DPP10: variants seen among roughly 807,000 people sequenced by gnomAD.
DPP10 encodes inactive dipeptidyl peptidase 10.
A neutral mutation model predicts 120.9 loss-of-function variants in DPP10; 33 were observed. The ratio of observed to expected loss-of-function variants is 0.27; its 90% confidence interval spans 0.21 to 0.37. The LOEUF is 0.37. Among genes scored for constraint, DPP10 ranks in the 10% least tolerant of loss-of-function variants. The pLI is 1.00. For missense variants in DPP10, 816 were observed against 942.8 expected, an observed-to-expected ratio of 0.87 and a Z score of 1.76; for synonymous variants, 337 against 326.1, an observed-to-expected ratio of 1.03 and a Z score of -0.36.
At chr2:115,397,047 G>A (rs149109096) in intron 3 of DPP10, among the ~76,000 whole-genome samples, 1 of 152,188 alleles carries the variant, frequency 6.6e-6, no homozygotes, top group Non-Finnish European at 1.5e-5. Context: ...TGCAAAACAT[G>A]ATGTGAACAT....
intron 1 of DPP10, among the ~76,000 whole-genome samples, chr2:114,587,150 A>AT (rs1691057519): frequency 6.6e-6 from 1 of 151,920 alleles, no homozygotes; most frequent in Admixed American, 6.5e-5. Flanking sequence ...ACAAAAAAAA[A>AT]ATTAGCCGGG....
intron 1 of DPP10, among the ~76,000 whole-genome samples, chr2:114,702,150 A>G (rs570252360): frequency 2.0e-5 from 3 of 152,238 alleles, no homozygotes; most frequent in Non-Finnish European, 4.4e-5. Context: ...AGGTGGGGCC[A>G]TGTATTGTAT....
chr2:114,836,232 ACCCATGTGT>A (rs1338743624), intron 1 of DPP10, among the ~76,000 whole-genome samples: 1 of 152,014 alleles, frequency 6.6e-6, no homozygotes, highest in Non-Finnish European at 1.5e-5. Context: ...TCCATTTGTG[ACCCATGTGT>A]ATTCTGTTTT....
At chr2:114,818,350 C>A (rs961300137) in intron 1 of DPP10, among the ~76,000 whole-genome samples, 4 of 152,120 alleles carry the variant, frequency 2.6e-5, no homozygotes. Flanking sequence ...CTTCAAGTAA[C>A]TATATGTTGA....
chr2:114,566,850 T>C (rs918107543), intron 1 of DPP10, among the ~76,000 whole-genome samples: 1 of 152,178 alleles, frequency 6.6e-6, no homozygotes, highest in African/African-American at 2.4e-5. Context: ...TGTACAAAAT[T>C]TAGAAATTTA....
chr2:114,775,033 A>T (rs1050137821), intron 1 of DPP10, among the ~76,000 whole-genome samples: 11 of 152,082 alleles, frequency 7.2e-5, no homozygotes, highest in Non-Finnish European at 1.3e-4. Flanking sequence ...CCAACCAGTA[A>T]GTGGCAGAGA....
chr2:114,646,800 A>T (rs1342638202), intron 1 of DPP10, among the ~76,000 whole-genome samples: 1 of 152,112 alleles, frequency 6.6e-6, no homozygotes, highest in East Asian at 1.9e-4. Flanking sequence ...CCTGAAGCTG[A>T]TTTCTTGGCC....
chr2:115,051,299 T>TA (rs1410927049), intron 1 of DPP10, among the ~76,000 whole-genome samples: 1 of 150,048 alleles, frequency 6.7e-6, no homozygotes, highest in Non-Finnish European at 1.5e-5. Flanking sequence ...AAATAGAGAG[T>TA]ATCAATAAAG....
At chr2:114,454,489 T>C (rs1240517392) in intron 1 of DPP10, among the ~76,000 whole-genome samples, 6 of 152,222 alleles carry the variant, frequency 3.9e-5, no homozygotes, top group Non-Finnish European at 5.9e-5. Flanking sequence ...TCATGCTTTC[T>C]GCCTCCTATT....
intron 1 of DPP10, among the ~76,000 whole-genome samples, chr2:114,848,175 A>G (rs1200673238): frequency 6.6e-6 from 1 of 152,184 alleles, no homozygotes; most frequent in Non-Finnish European, 1.5e-5. Flanking sequence ...CAAGTAGAAG[A>G]TGACAAAGAA....
chr2:115,411,420 T>C (rs2068948658), intron 3 of DPP10, among the ~76,000 whole-genome samples: 1 of 151,676 alleles, frequency 6.6e-6, no homozygotes, highest in Admixed American at 6.6e-5. Context: ...GAACAACTGG[T>C]TTATTGGGAA....
At chr2:115,368,494 T>C (rs1574581526) in intron 3 of DPP10, among the ~76,000 whole-genome samples, 1 of 152,104 alleles carries the variant, frequency 6.6e-6, no homozygotes, top group Admixed American at 6.6e-5. Context: ...CTTTTCCCAA[T>C]GTATTATTTA....
intron 5 of DPP10, among the ~76,000 whole-genome samples, chr2:115,556,080 G>A (rs1161655838): frequency 6.6e-6 from 1 of 152,062 alleles, no homozygotes; most frequent in African/African-American, 2.4e-5. Flanking sequence ...CAGGATATTA[G>A]TATTTTTCTG....
intron 3 of DPP10, among the ~76,000 whole-genome samples, chr2:115,401,896 GA>G (rs35488394): frequency 0.035 from 5,090 of 145,988 alleles, 90 homozygotes; most frequent in South Asian, 0.066. Context: ...GGATTTAGCA[GA>G]AAAAAAAAAA....
At chr2:115,206,169 A>G (rs762536407) in intron 1 of DPP10, among the ~76,000 whole-genome samples, 1 of 152,164 alleles carries the variant, frequency 6.6e-6, no homozygotes, top group Non-Finnish European at 1.5e-5. Context: ...ACATACACCT[A>G]TTTCCTTACG....
In DPP10 at chr2:114,611,780, T is replaced by C. The variant is rs13387730; in HGVS notation, c.60+168942T>C. Among the ~76,000 whole-genome samples, 414 of 152,282 alleles carry C rather than the reference T, an allele frequency of 2.7e-3. 2 individuals carry two copies. The highest frequency in any genetic ancestry group is 9.6e-3 in the African/African-American group (397 of 41,568). ...AGATATTAATCAAGCTCATCCTATG[T>C]GTTGTCACTGTTCATGTCAGCATTG... On this transcript the variant is annotated intron_variant, in intron 1 of 25. Coordinates refer to ENST00000410059, the MANE Select transcript of DPP10 (RefSeq NM_020868.6).
chr2:115,336,595 C>G lies in DPP10; in HGVS notation c.176-7222C>G, dbSNP rs925943321. Among the ~76,000 whole-genome samples the G allele has an allele frequency of 6.7e-5, 10 of 150,222 alleles. No individual in the cohort carries two copies. The South Asian group carries it at 2.1e-3, about 32-fold the overall frequency. On this transcript the variant is annotated intron_variant, in intron 2 of 25. Coordinates refer to ENST00000410059, the MANE Select transcript of DPP10 (RefSeq NM_020868.6). ...TCTCTCTCTCTCTGTCTCTCTCTCT[C>G]TCTCTATATATATATATATAATTGT...
intron 1 of DPP10, among the ~76,000 whole-genome samples, chr2:114,610,874 C>T (rs982874992): frequency 1.3e-5 from 2 of 152,064 alleles, no homozygotes; most frequent in Admixed American, 6.6e-5. Context: ...GCCTAATCCA[C>T]AGCATCCTTA....
rs943952622 is a variant in DPP10 at position 115,045,634 on chromosome 2, A to G, written c.61-263605A>G. Among the ~76,000 whole-genome samples, 6 of 152,278 alleles carry G rather than the reference A, an allele frequency of 3.9e-5. No homozygotes were observed. In the East Asian group the frequency reaches 1.2e-3, roughly 29 times the overall value. ...AGTGCACTGATTTTCTTTCTGTGCC[A>G]TGTGGTCCAGACCAGGGGACGGCGG... On this transcript the variant is annotated intron_variant, in intron 1 of 25. Coordinates refer to ENST00000410059, the MANE Select transcript of DPP10 (RefSeq NM_020868.6).
Sources: allele counts gnomAD v4.1 joint callset (sites outside exome capture counted in the v4.1 genomes callset), GRCh38; gene constraint gnomAD v4.1.1; transcripts MANE v1.5; gene names NCBI Gene and HGNC (gene_info 2026-07-23, HGNC 2026-07-21).